The following NEGR1 variants were observed in gnomAD, a reference collection of about 807,000 sequenced individuals.
NEGR1 encodes the protein neuronal growth regulator 1.
Under a neutral mutation model 40.9 loss-of-function variants are expected in NEGR1, and 10 were observed. The observed-to-expected ratio is 0.24, with a 90% confidence interval of 0.15 to 0.42. The LOEUF (loss-of-function observed/expected upper bound fraction) is 0.42, where lower values mean the gene tolerates loss of function less well. Ranked by LOEUF, NEGR1 falls within the 10% of genes least tolerant of loss-of-function variation. The pLI, the probability that NEGR1 is intolerant of heterozygous loss-of-function variation, is 1.00. For missense variants in NEGR1, 352 were observed against 438.9 expected (o/e 0.80, Z 1.77); for synonymous variants, 185 against 166.8 (o/e 1.11, Z -0.84).
chr1:71,768,913 A>AC (rs961809716), intron 3 of NEGR1, among the ~76,000 whole-genome samples: 2 of 151,354 alleles, frequency 1.3e-5, no homozygotes, highest in Admixed American at 1.3e-4. Context: ...ACCTCCCCCG[A>AC]CCCCCTTTCT....
chr1:71,703,064 A>G (rs1653754894), intron 3 of NEGR1: 1 of 152,044 alleles, frequency 6.6e-6, no homozygotes, highest in Admixed American at 6.6e-5. Flanking sequence ...TAGGCAAAAA[A>G]TCCCACAAAT....
chr1:72,045,700 T>A (rs1646994773), intron 1 of NEGR1, among the ~76,000 whole-genome samples: 1 of 151,826 alleles, frequency 6.6e-6, no homozygotes, highest in African/African-American at 2.4e-5. Flanking sequence ...GTCTTGGGTA[T>A]GTCTTTTCAG....
intron 2 of NEGR1, among the ~76,000 whole-genome samples, chr1:71,869,098 G>C (rs1660203494): frequency 6.6e-6 from 1 of 152,010 alleles, no homozygotes. Flanking sequence ...TCTTTTACCT[G>C]TTTATTTTCT....
At chr1:71,429,913 G>T (rs1646455074) in intron 6 of NEGR1, among the ~76,000 whole-genome samples, 1 of 152,140 alleles carries the variant, frequency 6.6e-6, no homozygotes, top group African/African-American at 2.4e-5. Context: ...AGAGGGAGGA[G>T]GATAATTTAC....
intron 4 of NEGR1, among the ~76,000 whole-genome samples, chr1:71,628,131 T>C (rs543114459): frequency 4.5e-4 from 68 of 152,186 alleles, no homozygotes; most frequent in Non-Finnish European, 8.5e-4. Flanking sequence ...TCACTCTACT[T>C]TTATTCTGAA....
intron 1 of NEGR1, among the ~76,000 whole-genome samples, chr1:72,153,143 A>G (rs948974748): frequency 1.3e-5 from 2 of 151,888 alleles, no homozygotes; most frequent in African/African-American, 4.8e-5. Flanking sequence ...TTAAAAAATT[A>G]AAGAACAAAA....
chr1:71,894,066 C>G (rs1208836776), intron 2 of NEGR1, among the ~76,000 whole-genome samples: 2 of 104,952 alleles, frequency 1.9e-5, no homozygotes, highest in African/African-American at 3.6e-5. Context: ...ACTCTGGGGA[C>G]TGTGGTGGGG....
intron 1 of NEGR1, among the ~76,000 whole-genome samples, chr1:71,965,179 T>A (rs1248060977): frequency 6.6e-6 from 1 of 152,096 alleles, no homozygotes. Context: ...CAATTTCTCA[T>A]ATGAAGACTT....
chr1:71,969,821 T>C (rs1646241131), intron 1 of NEGR1, among the ~76,000 whole-genome samples: 1 of 152,230 alleles, frequency 6.6e-6, no homozygotes, highest in East Asian at 1.9e-4. Flanking sequence ...AATAAGATGA[T>C]GACATCAAGT....
intron 1 of NEGR1, among the ~76,000 whole-genome samples, chr1:72,080,797 T>C (rs2100527589): frequency 6.6e-6 from 1 of 152,186 alleles, no homozygotes; most frequent in African/African-American, 2.4e-5. Context: ...TCACAGAGAC[T>C]TTTACAGAAA....
At chr1:71,621,588 G>A (rs1041098157) in intron 4 of NEGR1, among the ~76,000 whole-genome samples, 2 of 150,824 alleles carry the variant, frequency 1.3e-5, no homozygotes, top group African/African-American at 4.9e-5. Flanking sequence ...TGTTTGAAAA[G>A]GTACAGAAAA....
intron 1 of NEGR1, among the ~76,000 whole-genome samples, chr1:72,076,041 A>T (rs932302812): frequency 2.6e-5 from 4 of 152,208 alleles, no homozygotes; most frequent in Admixed American, 2.6e-4. Flanking sequence ...AGTAAAACAG[A>T]AGCAGAAGCT....
chr1:72,027,158 C>A (rs1253326830), intron 1 of NEGR1, among the ~76,000 whole-genome samples: 1 of 152,096 alleles, frequency 6.6e-6, no homozygotes, highest in African/African-American at 2.4e-5. Context: ...GATCTCCTGA[C>A]CTCGTGATCC....
At chr1:71,773,164 T>C (rs1334113688) in intron 3 of NEGR1, among the ~76,000 whole-genome samples, 1 of 152,108 alleles carries the variant, frequency 6.6e-6, no homozygotes, top group Non-Finnish European at 1.5e-5. Flanking sequence ...TGAAGCTGTA[T>C]GGAGCTATCA....
At chr1:72,132,868 G>A (rs866137207) in intron 1 of NEGR1, among the ~76,000 whole-genome samples, 1 of 152,090 alleles carries the variant, frequency 6.6e-6, no homozygotes, top group Non-Finnish European at 1.5e-5. Flanking sequence ...CAAGAGTGGA[G>A]TAGAGTTGAA....
intron 2 of NEGR1, among the ~76,000 whole-genome samples, chr1:71,835,775 C>A (rs1423018659): frequency 6.6e-6 from 1 of 152,024 alleles, no homozygotes; most frequent in Non-Finnish European, 1.5e-5. Flanking sequence ...ATGACTCTAT[C>A]AATTTGGAAC....
At chr1:72,259,065 T>G (rs2100542597) in intron 1 of NEGR1, among the ~76,000 whole-genome samples, 1 of 152,304 alleles carries the variant, frequency 6.6e-6, no homozygotes, top group African/African-American at 2.4e-5. Context: ...AAAATTATTT[T>G]TGTTCTTCTG....
At chr1:71,993,631 A>G (rs1370512347) in intron 1 of NEGR1, among the ~76,000 whole-genome samples, 2 of 152,230 alleles carry the variant, frequency 1.3e-5, no homozygotes, top group Non-Finnish European at 2.9e-5. Context: ...TGACAATGAT[A>G]ATAGCTATCC....
chr1:71,654,845 T>C (rs1461990668), intron 4 of NEGR1, among the ~76,000 whole-genome samples: 1 of 152,192 alleles, frequency 6.6e-6, no homozygotes, highest in Non-Finnish European at 1.5e-5. Flanking sequence ...CTGTCTAATA[T>C]ACAGCTTTAA....
Sources: gnomAD v4.1 joint callset for allele counts (sites outside exome capture counted in the v4.1 genomes callset) on GRCh38, gnomAD v4.1.1 for gene constraint, MANE v1.5 for transcripts, NCBI Gene and HGNC (gene_info 2026-07-23, HGNC 2026-07-21) for gene names.